The following PPTC7 variants were observed in gnomAD, a reference collection of about 807,000 sequenced individuals.
PPTC7 encodes protein phosphatase targeting COQ7.
In PPTC7, 6 loss-of-function variants were observed where a neutral mutation model predicts 30.8. That is an observed-to-expected ratio of 0.19 (90% CI 0.11 to 0.38). The LOEUF is 0.38. Among genes scored for constraint, PPTC7 ranks in the 10% least tolerant of loss-of-function variants. PPTC7 has a pLI of 1.00. For synonymous variants in PPTC7, 163 were observed against 168.1 expected, an observed-to-expected ratio of 0.97 and a Z score of 0.23; for missense variants, 218 against 404.8, an observed-to-expected ratio of 0.54 and a Z score of 3.96.
chr12:110,569,929 C>G (rs2064518666), intron 1 of PPTC7, among the ~76,000 whole-genome samples: 1 of 152,146 alleles, frequency 6.6e-6, no homozygotes, highest in Non-Finnish European at 1.5e-5. Flanking sequence ...TAACAAACAC[C>G]TCAACCACTT....
At chr12:110,558,745 C>A (rs1002213802) in intron 1 of PPTC7, among the ~76,000 whole-genome samples, 1 of 151,994 alleles carries the variant, frequency 6.6e-6, no homozygotes, top group South Asian at 2.1e-4. Flanking sequence ...CCCGCCTCAG[C>A]CCCCCAAGTA....
intron 1 of PPTC7, among the ~76,000 whole-genome samples, chr12:110,580,750 TTTTA>T (rs904289973): frequency 1.3e-5 from 2 of 151,534 alleles, no homozygotes; most frequent in African/African-American, 4.8e-5. Context: ...CATACAGATT[TTTTA>T]TTTTATTTTT....
intron 1 of PPTC7, among the ~76,000 whole-genome samples, chr12:110,555,423 G>A (rs1200075539): frequency 1.3e-5 from 2 of 152,168 alleles, no homozygotes; most frequent in Non-Finnish European, 1.5e-5. Context: ...TGAATGGATC[G>A]TTGTTGAAGC....
chr12:110,578,993 C>T (rs116639062), intron 1 of PPTC7, among the ~76,000 whole-genome samples: 2,770 of 152,152 alleles, frequency 0.018, 102 homozygotes, highest in African/African-American at 0.063. Context: ...TAAAAAAATA[C>T]AAACAATTAG....
In PPTC7 at chr12:110,568,210, C is replaced by G. The variant is rs2064501197; in HGVS notation, c.223+14599G>C. ...TCATTTGCCTCAGCTTACTGAAAAA[C>G]CCTTCTCTTAAGGCCTGACGTTGTG... On this transcript the variant is annotated intron_variant, in intron 1 of 5. Coordinates refer to ENST00000354300, the MANE Select transcript of PPTC7 (RefSeq NM_139283.2). Among the ~76,000 whole-genome samples, 4 of 151,822 alleles carry G rather than the reference C, an allele frequency of 2.6e-5. No individual in the cohort carries two copies. The South Asian group carries it at 8.3e-4, about 32-fold the overall frequency.
At chr12:110,577,091 C>G (rs2064595515) in intron 1 of PPTC7, among the ~76,000 whole-genome samples, 1 of 146,568 alleles carries the variant, frequency 6.8e-6, no homozygotes, top group African/African-American at 2.5e-5. Context: ...TGTTTGAACC[C>G]AGGAGGCAGA....
intron 1 of PPTC7, among the ~76,000 whole-genome samples, chr12:110,576,267 T>C (rs1350406328): frequency 6.6e-6 from 1 of 151,780 alleles, no homozygotes; most frequent in Non-Finnish European, 1.5e-5. Flanking sequence ...TTTTCCCTTA[T>C]ATAAAATAAT....
At chr12:110,539,780 A>C (rs1454419295) in intron 4 of PPTC7, 42 bp downstream of exon 4, 1 of 1,602,576 alleles carries the variant, frequency 6.2e-7, no homozygotes. Flanking sequence ...AGCTATCCAG[A>C]GAGGGCCACT....
At chr12:110,555,790 A>G (rs1474123830) in intron 1 of PPTC7, among the ~76,000 whole-genome samples, 1 of 152,208 alleles carries the variant, frequency 6.6e-6, no homozygotes, top group African/African-American at 2.4e-5. Context: ...ACTTATATTA[A>G]AAGAATTTAA....
intron 5 of PPTC7, 50 bp downstream of exon 5, chr12:110,538,094 T>C (rs751960988): frequency 6.3e-7 from 1 of 1,599,172 alleles, no homozygotes; most frequent in South Asian, 1.1e-5. Context: ...TCCACTCTAC[T>C]GACACCATGT....
At chr12:110,582,719 G>A (rs2064648900) in intron 1 of PPTC7, 90 bp downstream of exon 1, 1 of 1,162,110 alleles carries the variant, frequency 8.6e-7, no homozygotes. Flanking sequence ...GGCTCCTTTC[G>A]CCGCCGGGAG....
At chr12:110,567,271 TGAATCG>T (rs1048325744) in intron 1 of PPTC7, among the ~76,000 whole-genome samples, 25 of 152,322 alleles carry the variant, frequency 1.6e-4, no homozygotes, top group African/African-American at 5.1e-4. Context: ...CCCTACTCCC[TGAATCG>T]GTGTGGCCAG....
intron 3 of PPTC7, among the ~76,000 whole-genome samples, chr12:110,542,564 G>A (rs940161229): frequency 1.9e-4 from 29 of 151,310 alleles, no homozygotes; most frequent in African/African-American, 6.5e-4. Context: ...CCAGCTACTC[G>A]GGAGGCTGAA....
chr12:110,567,884 T>G (rs776192701), intron 1 of PPTC7, among the ~76,000 whole-genome samples: 22 of 152,168 alleles, frequency 1.4e-4, no homozygotes, highest in Non-Finnish European at 3.2e-4. Flanking sequence ...GTGATGAGAC[T>G]TCACTGTGCA....
At chr12:110,547,716 G>A (rs375387784) in intron 2 of PPTC7, among the ~76,000 whole-genome samples, 7 of 152,212 alleles carry the variant, frequency 4.6e-5, no homozygotes, top group African/African-American at 1.2e-4. Flanking sequence ...AATGGGCCAC[G>A]GAACCAGCCA....
chr12:110,536,760 T>A lies in PPTC7; in HGVS notation c.*277A>T, dbSNP rs924132195. The A allele has an allele frequency of 4.9e-6, 2 of 406,292 alleles. No homozygotes were observed. Among genetic ancestry groups the A allele is most frequent in the Admixed American group, 8.6e-5 (2 of 23,262 alleles). 25.2% of individuals were successfully genotyped at this position (406,292 alleles called of 1,614,324 possible). A position where few individuals can be genotyped will look rare whatever the true frequency, so the allele number is the denominator to read the frequency against. On this transcript the variant is annotated 3_prime_UTR_variant, in exon 6 of 6. Transcript: ENST00000354300. ...TGAAAAGTAACAGCCACGGTGGCAC[T>A]GAACACCTCCATCCCCATCATGGAA...
At chr12:110,540,703 G>A (rs1233570488) in intron 3 of PPTC7, among the ~76,000 whole-genome samples, 1 of 151,416 alleles carries the variant, frequency 6.6e-6, no homozygotes, top group Non-Finnish European at 1.5e-5. Flanking sequence ...CAGTTTCCTC[G>A]AATATTTGAA....
chr12:110,583,148 G>A lies in PPTC7; in HGVS notation c.-117C>T. 3.1e-6 allele frequency: 2 copies of A among 637,910 alleles called. No homozygotes were observed. The highest frequency in any genetic ancestry group is 4.7e-5 in the East Asian group (1 of 21,162). The allele number at this position is 637,910 out of a possible 1,614,324, so 39.5% of individuals were successfully genotyped here. A position where few individuals can be genotyped will look rare whatever the true frequency, so the allele number is the denominator to read the frequency against. ...CCGCCGCTGGGGCGCTCCTCAGGGCGGCGCGCAGTGGCCGCCGCCGCCCCT... is the reference window on the plus strand; with the variant it reads ...CCGCCGCTGGGGCGCTCCTCAGGGCAGCGCGCAGTGGCCGCCGCCGCCCCT... On this transcript the variant is annotated 5_prime_UTR_variant, in exon 1 of 6. Coordinates refer to ENST00000354300, the MANE Select transcript of PPTC7 (RefSeq NM_139283.2).
chr12:110,582,654 A>G (rs1274958498), intron 1 of PPTC7, among the ~76,000 whole-genome samples, 155 bp downstream of exon 1: 2 of 152,088 alleles, frequency 1.3e-5, no homozygotes, highest in African/African-American at 2.4e-5. Flanking sequence ...CGCGCCTCGG[A>G]GCGCTTGGCA....
Sources: gnomAD v4.1 joint callset for allele counts (sites outside exome capture counted in the v4.1 genomes callset) on GRCh38, gnomAD v4.1.1 for gene constraint, MANE v1.5 for transcripts, NCBI Gene and HGNC (gene_info 2026-07-23, HGNC 2026-07-21) for gene names.